The following SOX5 variants were observed in gnomAD, a reference collection of about 807,000 sequenced individuals.
SOX5 encodes the protein SRY-box transcription factor 5, also known as transcription factor SOX-5.
SOX5 carries 9 observed loss-of-function variants against 92.0 expected under a neutral mutation model. That is an observed-to-expected ratio of 0.10 (90% CI 0.06 to 0.17). SOX5 has a LOEUF of 0.17. Ranked by LOEUF, SOX5 falls within the 10% of genes least tolerant of loss-of-function variation. SOX5 has a pLI of 1.00. For missense variants in SOX5, 642 were observed against 944.5 expected (o/e 0.68, Z 4.20); for synonymous variants, 344 against 336.3 (o/e 1.02, Z -0.25).
rs559165212 is a variant in SOX5 at position 23,691,638 on chromosome 12, A to AT, written c.811-26075dup. On this transcript the variant is annotated intron_variant, in intron 6 of 14. Transcript: ENST00000451604. The stretch of plus-strand genomic sequence containing the variant: ...TTTTTTCCTAATAATTTGTCTACTT[A>AT]TTTTTTTAAATTAGTAGCAAAAGGT... Among the ~76,000 whole-genome samples the AT allele has an allele frequency of 2.2e-4, 33 of 152,168 alleles. No homozygotes were observed. In the East Asian group the frequency reaches 4.6e-3, roughly 21 times the overall value.
intron 4 of SOX5, among the ~76,000 whole-genome samples, chr12:24,052,919 A>G (rs1451983776): frequency 6.6e-6 from 1 of 152,226 alleles, no homozygotes; most frequent in Non-Finnish European, 1.5e-5. Context: ...TTACAAGTTC[A>G]GCCATCAATC....
intron 8 of SOX5, among the ~76,000 whole-genome samples, chr12:23,627,738 C>T (rs2078014466): frequency 1.3e-5 from 2 of 151,956 alleles, no homozygotes; most frequent in African/African-American, 4.8e-5. Flanking sequence ...AGCTCAAGCT[C>T]ATAACCCATT....
intron 1 of SOX5, among the ~76,000 whole-genome samples, chr12:24,511,882 C>T (rs892878240): frequency 1.3e-5 from 2 of 149,192 alleles, no homozygotes; most frequent in African/African-American, 5.0e-5. Context: ...GGTGTGAACC[C>T]GGGATGTGGA....
intron 2 of SOX5, among the ~76,000 whole-genome samples, chr12:24,299,558 T>A (rs1469070812): frequency 1.3e-5 from 2 of 152,166 alleles, no homozygotes; most frequent in Non-Finnish European, 2.9e-5. Flanking sequence ...GATTTAAAAT[T>A]TTCTGCACAG....
At chr12:24,074,741 T>G (rs892899737) in intron 4 of SOX5, among the ~76,000 whole-genome samples, 10 of 151,838 alleles carry the variant, frequency 6.6e-5, no homozygotes, top group Non-Finnish European at 1.3e-4. Context: ...CATACCACTC[T>G]TGAATTCACT....
intron 1 of SOX5, among the ~76,000 whole-genome samples, chr12:24,432,797 C>T (rs762438792): frequency 2.0e-5 from 3 of 151,732 alleles, no homozygotes; most frequent in Non-Finnish European, 4.4e-5. Context: ...GGTGACAGAG[C>T]GAGACTGTCT....
intron 2 of SOX5, among the ~76,000 whole-genome samples, chr12:24,356,785 T>TA (rs1259045654): frequency 1.3e-5 from 2 of 152,188 alleles, no homozygotes; most frequent in Non-Finnish European, 2.9e-5. Context: ...TTCCCATTTT[T>TA]AAAAAAACCT....
intron 6 of SOX5, among the ~76,000 whole-genome samples, chr12:23,690,850 T>C (rs2088645978): frequency 6.6e-6 from 1 of 152,200 alleles, no homozygotes; most frequent in African/African-American, 2.4e-5. Flanking sequence ...CTTTTCCCAC[T>C]TAATTAGCTC....
intron 3 of SOX5, among the ~76,000 whole-genome samples, chr12:23,801,035 T>C (rs746764443): frequency 6.6e-5 from 10 of 152,152 alleles, no homozygotes; most frequent in African/African-American, 9.6e-5. Context: ...CACTATACTG[T>C]TGCAGCCCAT....
rs11047123 is a variant in SOX5 at position 23,835,778 on chromosome 12, A to G, written c.481+10205T>C. ...AAATCTCTCATTGGAAGGAATAGCA[A>G]TAAGTATTGGTTAAGGGCATAGATT... On this transcript the variant is annotated intron_variant, in intron 3 of 14. Coordinates refer to ENST00000451604, the MANE Select transcript of SOX5 (RefSeq NM_006940.6). Among the ~76,000 whole-genome samples, 6,637 of 151,906 alleles carry G rather than the reference A, an allele frequency of 0.044. 772 individuals carry two copies. The East Asian group carries it at 0.47, about 11-fold the overall frequency.
Position 23,533,909 on chromosome 12 carries a change from T to TAA in SOX5, c.*308_*309dup, listed in dbSNP as rs201455508. The TAA allele has an allele frequency of 9.5e-4, 185 of 194,378 alleles. No individual in the cohort carries two copies. The highest frequency in any genetic ancestry group is 2.2e-3 in the East Asian group (18 of 8,316). The allele number at this position is 194,378 out of a possible 1,614,324, so 12.0% of individuals were successfully genotyped here. ...AGAACAAACAGCCATAAAGTTTATT[T>TAA]AAAAAAAAAAAAAAGTTGACGGGTA... On this transcript the variant is annotated 3_prime_UTR_variant, in exon 15 of 15. Coordinates refer to ENST00000451604, the MANE Select transcript of SOX5 (RefSeq NM_006940.6).
chr12:24,309,616 A>T (rs1948974832), intron 2 of SOX5, among the ~76,000 whole-genome samples: 2 of 152,220 alleles, frequency 1.3e-5, no homozygotes, highest in African/African-American at 4.8e-5. Flanking sequence ...AATTAAGGCA[A>T]AGTTTCACAA....
intron 4 of SOX5, among the ~76,000 whole-genome samples, chr12:24,193,252 A>G (rs1956700413): frequency 6.6e-6 from 1 of 152,226 alleles, no homozygotes; most frequent in Non-Finnish European, 1.5e-5. Context: ...TGACCAGAAC[A>G]CTACAGTTAA....
At chr12:24,304,226 G>C (rs1054433197) in intron 2 of SOX5, among the ~76,000 whole-genome samples, 2 of 152,044 alleles carry the variant, frequency 1.3e-5, no homozygotes, top group African/African-American at 4.8e-5. Flanking sequence ...CATGAACCAA[G>C]AAAAATAGCA....
intron 10 of SOX5, among the ~76,000 whole-genome samples, chr12:23,572,903 C>T (rs1193362777): frequency 6.6e-6 from 1 of 152,170 alleles, no homozygotes; most frequent in Non-Finnish European, 1.5e-5. Flanking sequence ...ACTGTGGCCC[C>T]ACTGCCCAGA....
chr12:24,399,332 T>C (rs947272254), intron 1 of SOX5, among the ~76,000 whole-genome samples: 1 of 152,210 alleles, frequency 6.6e-6, no homozygotes, highest in South Asian at 2.1e-4. Flanking sequence ...TCTTCTCTGG[T>C]TGAACAAACT....
chr12:23,913,467 G>A (rs2138500507), intron 1 of SOX5, among the ~76,000 whole-genome samples: 1 of 152,130 alleles, frequency 6.6e-6, no homozygotes, highest in South Asian at 2.1e-4. Context: ...GCCAGGCACA[G>A]TGGCTCATGC....
intron 3 of SOX5, among the ~76,000 whole-genome samples, chr12:23,816,642 T>C (rs953194136): frequency 1.3e-5 from 2 of 152,138 alleles, no homozygotes; most frequent in Non-Finnish European, 2.9e-5. Flanking sequence ...ACCAGATATC[T>C]TAAGCAAATA....
intron 1 of SOX5, among the ~76,000 whole-genome samples, chr12:24,496,532 A>C (rs950587448): frequency 6.6e-6 from 1 of 152,180 alleles, no homozygotes; most frequent in African/African-American, 2.4e-5. Flanking sequence ...CGCAATTTCC[A>C]GGTAACTTAT....
Sources: allele counts gnomAD v4.1 joint callset (sites outside exome capture counted in the v4.1 genomes callset), GRCh38; gene constraint gnomAD v4.1.1; transcripts MANE v1.5; gene names NCBI Gene and HGNC (gene_info 2026-07-23, HGNC 2026-07-21).